ATRX: variants seen among roughly 807,000 people sequenced by gnomAD.
ATRX encodes chromatin remodeler ATRX.
In ATRX, 12 loss-of-function variants were observed where a neutral mutation model predicts 172.6. The ratio of observed to expected loss-of-function variants is 0.07; its 90% CI spans 0.04 to 0.11. The LOEUF (loss-of-function observed/expected upper bound fraction) is 0.11, where lower values mean the gene tolerates loss of function less well. ATRX is among the 10% of genes least tolerant of loss of function. ATRX has a pLI of 1.00. For synonymous variants in ATRX, 674 were observed against 594.7 expected, an observed-to-expected ratio of 1.13 and a Z score of -1.94; for missense variants, 1,368 against 1,767.4, an observed-to-expected ratio of 0.77 and a Z score of 4.05.
At chrX:77,512,988 C>T (rs1481937192) in intron 34 of ATRX, among the ~76,000 whole-genome samples, 2 of 111,012 alleles carry the variant, frequency 1.8e-5, no homozygotes, top group African/African-American at 6.6e-5. Flanking sequence ...AAACAAATAA[C>T]AAAATGGCAG....
intron 28 of ATRX, among the ~76,000 whole-genome samples, chrX:77,559,366 G>A (rs2147953608): frequency 1.0e-5 from 1 of 99,129 alleles, no homozygotes; most frequent in Non-Finnish European, 2.0e-5. Flanking sequence ...CAGGAAGGGT[G>A]TCTAAAGAAA....
At chrX:77,586,184 T>C (rs782392608) in intron 27 of ATRX, among the ~76,000 whole-genome samples, 18 of 112,397 alleles carry the variant, frequency 1.6e-4, no homozygotes, top group Admixed American at 7.5e-4. Context: ...TTTGAGGTGA[T>C]AGATATCCCA....
At chrX:77,628,487 G>T (rs963842014) in intron 19 of ATRX, among the ~76,000 whole-genome samples, 4 of 112,415 alleles carry the variant, frequency 3.6e-5, no homozygotes, top group Non-Finnish European at 7.5e-5. Flanking sequence ...CCACCTATTG[G>T]TGAATTTTTT....
intron 1 of ATRX, among the ~76,000 whole-genome samples, chrX:77,765,332 C>A (rs918140613): frequency 1.8e-5 from 2 of 112,156 alleles, no homozygotes; most frequent in African/African-American, 6.5e-5. Flanking sequence ...CAAGAAGATT[C>A]TAAATAATCT....
intron 9 of ATRX, among the ~76,000 whole-genome samples, chrX:77,680,531 C>A (rs1437210425): frequency 9.0e-6 from 1 of 111,264 alleles, no homozygotes; most frequent in Non-Finnish European, 1.9e-5. Context: ...GACCTCATCT[C>A]TACAAAATTA....
intron 26 of ATRX, among the ~76,000 whole-genome samples, chrX:77,591,433 T>C (rs1557080374): frequency 2.7e-5 from 3 of 112,453 alleles, no homozygotes; most frequent in African/African-American, 9.7e-5. Context: ...TAAGTTTTAT[T>C]TTTATTCTAA....
intron 22 of ATRX, among the ~76,000 whole-genome samples, chrX:77,612,233 C>T (rs1228633406): frequency 1.7e-4 from 19 of 111,538 alleles, no homozygotes; most frequent in African/African-American, 6.2e-4. Context: ...CTACTCCAGA[C>T]CTTTTGAATC....
chrX:77,739,350 C>CAT (rs1346832883), intron 1 of ATRX, among the ~76,000 whole-genome samples: 2 of 108,651 alleles, frequency 1.8e-5, no homozygotes, highest in South Asian at 3.9e-4. Flanking sequence ...AGTATTCCAT[C>CAT]ATATATATAT....
At chrX:77,639,983 C>T (rs2068572841) in intron 15 of ATRX, among the ~76,000 whole-genome samples, 1 of 111,854 alleles carries the variant, frequency 8.9e-6, no homozygotes, top group Admixed American at 9.5e-5. Flanking sequence ...ACATATACAC[C>T]ACGGAATACT....
At chrX:77,784,651 AACCAAGGCCAC>A (rs781885523) in intron 1 of ATRX, among the ~76,000 whole-genome samples, 1 of 111,907 alleles carries the variant, frequency 8.9e-6, no homozygotes, top group South Asian at 3.7e-4. Context: ...CAAATTCAGA[AACCAAGGCCAC>A]AATCGTGTAC....
At position 77,544,490 on chromosome X, in the gene ATRX, G is replaced by A. The variant is rs375696149; in HGVS notation, c.6699+12961C>T. Among the ~76,000 whole-genome samples, 8 of 109,275 alleles carry A rather than the reference G, an allele frequency of 7.3e-5. No homozygotes were observed. The South Asian group carries it at 1.6e-3, about 22-fold the overall frequency. The allele number at this position is 109,275 out of a possible 115,157, so 94.9% of individuals were successfully genotyped here. On this transcript the variant is annotated intron_variant, in intron 30 of 34. Coordinates refer to ENST00000373344, the MANE Select transcript of ATRX (RefSeq NM_000489.6). Reference sequence around the variant, plus strand: ...GTGCAGGTTAGTTACATATGTATACGTGTGCCATGCTGGTGCGCTGCACCC... The same window carrying A: ...GTGCAGGTTAGTTACATATGTATACATGTGCCATGCTGGTGCGCTGCACCC...
At position 77,633,594 on chromosome X, in the gene ATRX, T is replaced by G. The variant is rs1557106678; in HGVS notation, c.4928A>C (p.Glu1643Ala). 2 of 1,210,107 alleles carry G rather than the reference T, an allele frequency of 1.7e-6. No individual in the cohort carries two copies. Among genetic ancestry groups the G allele is most frequent in the South Asian group, 3.5e-5 (2 of 56,711 alleles). ...NWMNEFEKWQEGLKDDEKLEV... is the reference protein window; with the variant it reads ...NWMNEFEKWQAGLKDDEKLEV... Reference sequence around the variant, plus strand: ...AAGCTTCTCATCATCTTTTAATCCCTCTTGCCACTTCTCAAATTCATTCAT... The same window carrying G: ...AAGCTTCTCATCATCTTTTAATCCCGCTTGCCACTTCTCAAATTCATTCAT... The change falls in exon 18 of 35, where the codon GAG (glutamate) becomes GCG (alanine). Residue 1643 changes from glutamate (E) to alanine (A), a missense_variant. Physicochemically the swap from Glu to Ala is moderately radical, Grantham distance 107 (BLOSUM62 -1). Coordinates refer to ENST00000373344, the MANE Select transcript of ATRX (RefSeq NM_000489.6).
intron 22 of ATRX, among the ~76,000 whole-genome samples, chrX:77,607,542 T>C (rs1254832019): frequency 1.8e-5 from 2 of 109,523 alleles, no homozygotes; most frequent in African/African-American, 6.6e-5. Context: ...GACAAAACCC[T>C]GCCTCTACTA....
chrX:77,608,669 T>C (rs1429452471), intron 22 of ATRX, among the ~76,000 whole-genome samples: 1 of 111,910 alleles, frequency 8.9e-6, no homozygotes, highest in Non-Finnish European at 1.9e-5. Context: ...CTACAGGACA[T>C]TGGACTGGGC....
intron 1 of ATRX, among the ~76,000 whole-genome samples, chrX:77,766,550 A>G (rs782333077): frequency 0.011 from 921 of 80,445 alleles, 3 homozygotes; most frequent in Non-Finnish European, 0.018. Context: ...ACGGGGTCGC[A>G]GCCGGGCAGA....
At chrX:77,541,025 A>G (rs2063962393) in intron 30 of ATRX, among the ~76,000 whole-genome samples, 1 of 111,971 alleles carries the variant, frequency 8.9e-6, no homozygotes, top group African/African-American at 3.2e-5. Context: ...CAATGAATCC[A>G]GGAGCTGGTT....
intron 1 of ATRX, among the ~76,000 whole-genome samples, chrX:77,742,699 C>G (rs2074924843): frequency 9.0e-6 from 1 of 111,551 alleles, no homozygotes. Context: ...TGGCTGGGAC[C>G]CACAGGGAAC....
chrX:77,707,068 A>G (rs1185975029), intron 2 of ATRX, among the ~76,000 whole-genome samples: 1 of 112,905 alleles, frequency 8.9e-6, no homozygotes, highest in Non-Finnish European at 1.9e-5. Flanking sequence ...GAGATATACT[A>G]CAACATGGAT....
At chrX:77,681,103 T>C (rs1267330652) in intron 9 of ATRX, among the ~76,000 whole-genome samples, 1 of 111,668 alleles carries the variant, frequency 9.0e-6, no homozygotes, top group African/African-American at 3.2e-5. Context: ...AAGTTATCTG[T>C]TCAAACTTAA....
Sources: allele counts gnomAD v4.1 joint callset (sites outside exome capture counted in the v4.1 genomes callset), GRCh38; gene constraint gnomAD v4.1.1; transcripts MANE v1.5; gene names NCBI Gene and HGNC (gene_info 2026-07-23, HGNC 2026-07-21).